The following TEN1 variants were observed in gnomAD, a reference collection of about 807,000 sequenced individuals.
TEN1 encodes TEN1 subunit of CST complex, also known as CST complex subunit TEN1.
TEN1 carries 6 observed loss-of-function variants against 9.3 expected under a neutral mutation model. That is an observed-to-expected ratio of 0.65 (90% confidence interval 0.35 to 1.27). The LOEUF is 1.27. Among genes scored for constraint, TEN1 ranks in the 50% most tolerant of loss-of-function variants. The probability of loss-of-function intolerance (pLI) is 0.03; values close to 1 mark genes in which losing one functional copy is unlikely to be tolerated. For synonymous variants in TEN1, 65 were observed against 65.6 expected (o/e 0.99, Z 0.04); for missense variants, 149 against 158.2 (o/e 0.94, Z 0.31).
At chr17:75,986,624 G>A (rs1010977701) in intron 2 of TEN1, among the ~76,000 whole-genome samples, 44 of 151,904 alleles carry the variant, frequency 2.9e-4, no homozygotes, top group Non-Finnish European at 5.9e-4. Flanking sequence ...TTGCTTGAAC[G>A]TGGAAGGTGG....
chr17:75,993,328 C>T (rs1285720486), intron 3 of TEN1, among the ~76,000 whole-genome samples: 1 of 151,948 alleles, frequency 6.6e-6, no homozygotes, highest in African/African-American at 2.4e-5. Flanking sequence ...TGGTCTCGAT[C>T]TCTTGACCTT....
At chr17:75,979,652 G>C (rs566617648) in intron 1 of TEN1, 141 bp downstream of exon 1, 3 of 172,640 alleles carry the variant, frequency 1.7e-5, no homozygotes, top group African/African-American at 7.2e-5. Flanking sequence ...GAGTGGTCGG[G>C]AGACTCTGGA....
intron 1 of TEN1, among the ~76,000 whole-genome samples, chr17:75,979,881 G>T (rs1394823663): frequency 1.3e-5 from 2 of 151,350 alleles, no homozygotes; most frequent in African/African-American, 2.4e-5. Flanking sequence ...GGTGGACGGG[G>T]ACTTAGAATG....
intron 2 of TEN1, among the ~76,000 whole-genome samples, chr17:75,987,004 C>T (rs1279032704): frequency 2.0e-5 from 3 of 152,056 alleles, no homozygotes; most frequent in Non-Finnish European, 4.4e-5. Flanking sequence ...TTTAGTTTTT[C>T]GTAGAGACAG....
chr17:75,982,982 GAA>G (rs2066131196), intron 1 of TEN1, among the ~76,000 whole-genome samples: 1 of 75,862 alleles, frequency 1.3e-5, no homozygotes, highest in Admixed American at 1.4e-4. Flanking sequence ...AAAAAAAAAA[GAA>G]AGAAAAAAGG....
chr17:76,000,333 G>A lies in TEN1; in HGVS notation c.*71G>A, dbSNP rs1353428386. ...CCTCTGGAGCTGCAGGAGCCCGGGA[G>A]AGCACAGACGCCTCCCCAGCGACGG... On this transcript the variant is annotated 3_prime_UTR_variant, in exon 4 of 4. Coordinates refer to ENST00000397640, the MANE Select transcript of TEN1 (RefSeq NM_001113324.3). The surrounding 1 kb of genome is among the most constrained non-coding windows in gnomAD (Gnocchi z 5.9). The A allele has an allele frequency of 6.7e-7, 1 of 1,481,832 alleles. No individual in the cohort carries two copies. Among genetic ancestry groups the A allele is most frequent in the African/African-American group, 1.4e-5 (1 of 70,982 alleles). 91.8% of individuals were successfully genotyped at this position (1,481,832 alleles called of 1,614,324 possible). A position where few individuals can be genotyped will look rare whatever the true frequency, so the allele number is the denominator to read the frequency against.
At chr17:75,986,647 G>A (rs1315741887) in intron 2 of TEN1, among the ~76,000 whole-genome samples, 2 of 151,954 alleles carry the variant, frequency 1.3e-5, no homozygotes, top group African/African-American at 4.8e-5. Context: ...GTTGTAGCGA[G>A]CCGAAATCGC....
At chr17:75,986,096 C>A in intron 1 of TEN1, 91 bp from the exon 2 acceptor site, 1 of 1,003,436 alleles carries the variant, frequency 1.0e-6, no homozygotes, top group Non-Finnish European at 1.4e-6. Context: ...CTTCAAGATG[C>A]TGTTGGTCTC....
chr17:75,983,952 G>C (rs2066137557), intron 1 of TEN1, among the ~76,000 whole-genome samples: 1 of 152,162 alleles, frequency 6.6e-6, no homozygotes, highest in African/African-American at 2.4e-5. Flanking sequence ...AGTAACTGGG[G>C]AAGTTGCCTA....
Position 75,987,900 on chromosome 17 carries a change from G to A in TEN1, c.92+1616G>A, listed in dbSNP as rs9892251. Among the ~76,000 whole-genome samples, 187 of 115,560 alleles carry A rather than the reference G, an allele frequency of 1.6e-3. 1 individual carries two copies. Among genetic ancestry groups the A allele is most frequent in the African/African-American group, 4.8e-3 (129 of 26,796 alleles). 75.8% of individuals were successfully genotyped at this position (115,560 alleles called of 152,430 possible). A position where few individuals can be genotyped will look rare whatever the true frequency, so the allele number is the denominator to read the frequency against. ...CCACTGCACTCCAGCCTGGGGGACAGGGTGAGACTCCATCTCAAAAAAAAA... is the reference window on the plus strand; with the variant it reads ...CCACTGCACTCCAGCCTGGGGGACAAGGTGAGACTCCATCTCAAAAAAAAA... On this transcript the variant is annotated intron_variant, in intron 2 of 3. Transcript: ENST00000397640.
In TEN1 at chr17:76,000,468, GC is replaced by G; in HGVS notation, c.*210del. 1.3e-6 allele frequency: 1 copy of G among 771,118 alleles called. No individual in the cohort carries two copies. The highest frequency in any genetic ancestry group is 2.0e-5 in the South Asian group (1 of 49,188). 47.8% of individuals were successfully genotyped at this position (771,118 alleles called of 1,614,324 possible). On this transcript the variant is annotated 3_prime_UTR_variant, in exon 4 of 4. Transcript: ENST00000397640. This position sits in a 1 kb window ranked among gnomAD's most constrained non-coding sequence, Gnocchi z 5.9. ...CAGAAAGCATGCCATAAATCCGACA[GC>G]CCCACCCCAGGAGACTGCAGGTGGC...
chr17:75,998,158 C>CA (rs1696539838), intron 3 of TEN1, among the ~76,000 whole-genome samples: 1 of 144,278 alleles, frequency 6.9e-6, no homozygotes, highest in Non-Finnish European at 1.5e-5. Flanking sequence ...GGCCTTTTTC[C>CA]TTTTTTTTTC....
chr17:75,997,592 A>C (rs2066225350), intron 3 of TEN1, among the ~76,000 whole-genome samples: 1 of 151,978 alleles, frequency 6.6e-6, no homozygotes, highest in Non-Finnish European at 1.5e-5. Flanking sequence ...CCTCCTACCT[A>C]AGGGGTTACC....
intron 3 of TEN1, among the ~76,000 whole-genome samples, chr17:75,999,615 TTA>T (rs2066240746): frequency 6.6e-6 from 1 of 152,154 alleles, no homozygotes; most frequent in African/African-American, 2.4e-5. Flanking sequence ...AGTGCTGAGA[TTA>T]CAGGTGTGAG....
intron 3 of TEN1, among the ~76,000 whole-genome samples, chr17:75,994,756 G>A (rs1052569241): frequency 3.9e-5 from 6 of 152,078 alleles, no homozygotes; most frequent in Non-Finnish European, 7.4e-5. Flanking sequence ...GATTACAAGC[G>A]TGAGCCACCG....
At chr17:75,999,245 C>T (rs1044850276) in intron 3 of TEN1, among the ~76,000 whole-genome samples, 2 of 152,074 alleles carry the variant, frequency 1.3e-5, no homozygotes, top group African/African-American at 4.8e-5. Flanking sequence ...CCTCAGGAAG[C>T]TGAGATGATC....
At chr17:75,993,229 G>A (rs760079733) in intron 3 of TEN1, among the ~76,000 whole-genome samples, 3 of 150,186 alleles carry the variant, frequency 2.0e-5, no homozygotes, top group Admixed American at 1.3e-4. Flanking sequence ...TCAGCCTTCC[G>A]AGTAGCTGGG....
intron 3 of TEN1, among the ~76,000 whole-genome samples, chr17:75,996,455 A>G (rs2066218345): frequency 1.3e-5 from 2 of 152,140 alleles, no homozygotes; most frequent in Admixed American, 6.6e-5. Flanking sequence ...ATTGCACTCC[A>G]GCCTGGGTGA....
At position 75,991,483 on chromosome 17, in the gene TEN1, T is replaced by C; in HGVS notation, c.110T>C (p.Met37Thr). ...CCTTCCAGGTTGTGCCTCTATGACATGATTCAGTCCAGAGTAACACTGATG... is the reference window on the plus strand; with the variant it reads ...CCTTCCAGGTTGTGCCTCTATGACACGATTCAGTCCAGAGTAACACTGATG... Reference protein sequence around the residue: ...RTFGRLCLYDMIQSRVTLMAQ... With the variant: ...RTFGRLCLYDTIQSRVTLMAQ... Residue 37 changes from methionine (M) to threonine (T), a missense_variant, in exon 3 of 4, where the codon ATG becomes ACG. Met to Thr is a moderately conservative substitution (Grantham distance 81, BLOSUM62 -1). Transcript: ENST00000397640. 1 of 1,552,290 alleles carries C rather than the reference T, an allele frequency of 6.4e-7. No individual in the cohort carries two copies. Among genetic ancestry groups the C allele is most frequent in the East Asian group, 2.4e-5 (1 of 40,902 alleles).
Sources: allele counts gnomAD v4.1 joint callset (sites outside exome capture counted in the v4.1 genomes callset), GRCh38; gene constraint gnomAD v4.1.1; non-coding constraint Gnocchi (gnomAD v3.1); transcripts MANE v1.5; gene names NCBI Gene and HGNC (gene_info 2026-07-23, HGNC 2026-07-21).